Variants in FAM178B observed in about 807,000 individuals in gnomAD.
FAM178B encodes protein FAM178B.
Under a neutral mutation model 91.7 loss-of-function variants are expected in FAM178B, and 82 were observed. The observed-to-expected ratio is 0.89, with a 90% CI of 0.75 to 1.07. FAM178B has a LOEUF of 1.07. Among genes scored for constraint, FAM178B ranks in the 50% least tolerant of loss-of-function variants. The pLI, the probability that FAM178B is intolerant of heterozygous loss-of-function variation, is 0.00. For missense variants in FAM178B, 769 were observed against 846.7 expected (o/e 0.91, Z 1.14); for synonymous variants, 368 against 359.4 (o/e 1.02, Z -0.27).
intron 7 of FAM178B, among the ~76,000 whole-genome samples, chr2:96,951,044 C>T (rs768492337): frequency 2.0e-4 from 30 of 152,158 alleles, no homozygotes; most frequent in Non-Finnish European, 2.9e-4. Flanking sequence ...GAGGTTAGAC[C>T]GTAAGTCCAC....
chr2:96,951,325 G>T, intron 7 of FAM178B, 54 bp downstream of exon 7: 1 of 1,327,378 alleles, frequency 7.5e-7, no homozygotes, highest in Non-Finnish European at 1.1e-6. Flanking sequence ...TGGGCCTGCC[G>T]GGCCACCAGA....
intron 8 of FAM178B, among the ~76,000 whole-genome samples, chr2:96,934,358 A>G (rs2081590865): frequency 1.3e-5 from 2 of 152,118 alleles, no homozygotes. Flanking sequence ...AGTGGGTGCA[A>G]GGCCAGGGGC....
At chr2:96,955,087 C>T (rs1260717866) in intron 6 of FAM178B, among the ~76,000 whole-genome samples, 1 of 152,106 alleles carries the variant, frequency 6.6e-6, no homozygotes, top group African/African-American at 2.4e-5. Flanking sequence ...GAGTGTTGGC[C>T]GGGCATCGTG....
chr2:96,971,551 C>T (rs576490619), intron 3 of FAM178B, among the ~76,000 whole-genome samples: 11 of 152,298 alleles, frequency 7.2e-5, no homozygotes, highest in Admixed American at 2.0e-4. Flanking sequence ...CTACAGACAA[C>T]CAAGCCCAGA....
chr2:96,878,395 C>T (rs1355431192), intron 15 of FAM178B, 21 bp downstream of exon 15: 1 of 1,611,536 alleles, frequency 6.2e-7, no homozygotes, highest in South Asian at 1.1e-5. Flanking sequence ...CCACCACAGC[C>T]CTGCCCCTTG....
chr2:96,888,455 T>G (rs1040104006), intron 14 of FAM178B, among the ~76,000 whole-genome samples: 2 of 152,228 alleles, frequency 1.3e-5, no homozygotes, highest in Non-Finnish European at 2.9e-5. Context: ...GTAAGTGGCC[T>G]GTGCCCAGGG....
chr2:96,986,071 G>T (rs902991014), intron 1 of FAM178B, among the ~76,000 whole-genome samples, 170 bp downstream of exon 1: 1 of 152,206 alleles, frequency 6.6e-6, no homozygotes, highest in Non-Finnish European at 1.5e-5. Context: ...GGCTCACGTC[G>T]GAACCCGAAC....
chr2:96,967,568 T>C lies in FAM178B; in HGVS notation c.686A>G (p.Asn229Ser), dbSNP rs1559102128. 1 of 1,550,570 alleles carries C rather than the reference T, an allele frequency of 6.4e-7. No homozygotes were observed. ...RLLLQECLNL[N>S]SLDLDEEEVP... ...TTCCTCTTCATCAAGATCCAAGGAG[T>C]TGAGATTGAGACACTCCTGCAGAAG... The change falls in exon 5 of 17, where the codon AAC becomes AGC. Residue 229 changes from asparagine to serine, a missense_variant. Coordinates refer to ENST00000490605, the MANE Select transcript of FAM178B (RefSeq NM_001122646.3).
At chr2:96,955,917 C>A (rs1052566913) in intron 6 of FAM178B, among the ~76,000 whole-genome samples, 11 of 152,338 alleles carry the variant, frequency 7.2e-5, no homozygotes, top group African/African-American at 2.6e-4. Context: ...GCTGCCGGGC[C>A]TCCGGGAGAA....
chr2:96,918,712 G>A (rs1295740818), intron 12 of FAM178B, among the ~76,000 whole-genome samples: 1 of 152,162 alleles, frequency 6.6e-6, no homozygotes, highest in Non-Finnish European at 1.5e-5. Flanking sequence ...GTTATCTTAT[G>A]CCCAATTTCT....
At chr2:96,885,477 T>C (rs886317539) in intron 14 of FAM178B, among the ~76,000 whole-genome samples, 8 of 152,210 alleles carry the variant, frequency 5.3e-5, no homozygotes, top group Non-Finnish European at 1.0e-4. Context: ...CTCGTGGTAC[T>C]GAGGACAGGG....
At chr2:96,877,637 C>T (rs1262184394) in intron 16 of FAM178B, 11 of 468,728 alleles carry the variant, frequency 2.3e-5, no homozygotes, top group African/African-American at 5.8e-5. Flanking sequence ...CCTTGTGATC[C>T]GCCCGCCTCA....
Position 96,986,323 on chromosome 2 carries a change from A to G in FAM178B, c.-10T>C, listed in dbSNP as rs2082423620. On this transcript the variant is annotated 5_prime_UTR_variant, in exon 1 of 17. Coordinates refer to ENST00000490605, the MANE Select transcript of FAM178B (RefSeq NM_001122646.3). ...GAAGCCTTGGCCACATAGGGCGGGA[A>G]GGGCAGGGCTCCGGGGTGAGGGAGG... 1 of 1,533,630 alleles carries G rather than the reference A, an allele frequency of 6.5e-7. No individual in the cohort carries two copies. The highest frequency in any genetic ancestry group is 1.4e-5 in the African/African-American group (1 of 72,970).
At chr2:96,886,044 G>T (rs1188979217) in intron 14 of FAM178B, among the ~76,000 whole-genome samples, 5 of 152,140 alleles carry the variant, frequency 3.3e-5, no homozygotes, top group Non-Finnish European at 5.9e-5. Context: ...CCGCGGTGTT[G>T]GCACGTCTGG....
intron 7 of FAM178B, among the ~76,000 whole-genome samples, chr2:96,948,772 G>A (rs2081874339): frequency 6.6e-6 from 1 of 152,298 alleles, no homozygotes; most frequent in African/African-American, 2.4e-5. Context: ...ACCTTGGAGG[G>A]AGCACCTAGT....
intron 1 of FAM178B, among the ~76,000 whole-genome samples, chr2:96,985,455 G>A (rs1384974549): frequency 6.6e-6 from 1 of 152,048 alleles, no homozygotes; most frequent in Non-Finnish European, 1.5e-5. Context: ...CGCCCTCCCC[G>A]CTTCCCTCAT....
intron 14 of FAM178B, among the ~76,000 whole-genome samples, chr2:96,879,485 C>T (rs1234048182): frequency 1.3e-5 from 2 of 152,372 alleles, no homozygotes; most frequent in East Asian, 3.9e-4. Flanking sequence ...TGCACAGGCC[C>T]AGGAGTCTCC....
chr2:96,887,370 G>C (rs1437033434), intron 14 of FAM178B, among the ~76,000 whole-genome samples: 1 of 152,194 alleles, frequency 6.6e-6, no homozygotes, highest in Non-Finnish European at 1.5e-5. Flanking sequence ...TATCTAGACA[G>C]GGTGAGGCAT....
At chr2:96,973,121 T>C (rs917478598) in intron 1 of FAM178B, among the ~76,000 whole-genome samples, 3 of 151,252 alleles carry the variant, frequency 2.0e-5, no homozygotes, top group Non-Finnish European at 2.9e-5. Flanking sequence ...GGCAGGAGAA[T>C]TGCTTGAACC....
Sources: allele counts gnomAD v4.1 joint callset (sites outside exome capture counted in the v4.1 genomes callset), GRCh38; gene constraint gnomAD v4.1.1; transcripts MANE v1.5; gene names NCBI Gene and HGNC (gene_info 2026-07-23, HGNC 2026-07-21).